The following NPLOC4 variants were observed in gnomAD, a reference collection of about 807,000 sequenced individuals.
The protein encoded by NPLOC4 is nuclear protein localization protein 4 homolog.
NPLOC4 carries 18 observed loss-of-function variants against 80.6 expected under a neutral mutation model. That is an observed-to-expected ratio of 0.22 (90% confidence interval 0.15 to 0.33). NPLOC4 has a LOEUF of 0.33. NPLOC4 is among the 10% of genes least tolerant of loss of function. The probability of loss-of-function intolerance (pLI) is 1.00; values close to 1 mark genes in which losing one functional copy is unlikely to be tolerated. For synonymous variants in NPLOC4, 313 were observed against 301.5 expected (o/e 1.04, Z -0.39); for missense variants, 540 against 786.1 (o/e 0.69, Z 3.74).
intron 3 of NPLOC4, among the ~76,000 whole-genome samples, chr17:81,617,805 C>T (rs113002720): frequency 4.6e-5 from 7 of 152,292 alleles, no homozygotes; most frequent in African/African-American, 1.4e-4. Flanking sequence ...ATTGCAGGCG[C>T]GCGCCGCCAC....
Position 81,637,038 on chromosome 17 carries a change from G to GCCGCCGCCA in NPLOC4, c.-117_-109dup. On this transcript the variant is annotated 5_prime_UTR_variant, in exon 1 of 17. Transcript: ENST00000331134. The stretch of plus-strand genomic sequence containing the variant: ...TCAGCCCCGGCCCCGGCCTCCCTAC[G>GCCGCCGCCA]CCGCCGCCACCGCCGCTCCAGCTTC... 1 of 633,144 alleles carries GCCGCCGCCA rather than the reference G, an allele frequency of 1.6e-6. No homozygotes were observed. Among genetic ancestry groups the GCCGCCGCCA allele is most frequent in the Middle Eastern group, 5.5e-4 (1 of 1,834 alleles). The allele number at this position is 633,144 out of a possible 1,614,324, so 39.2% of individuals were successfully genotyped here.
At chr17:81,635,085 T>G (rs541576649) in intron 1 of NPLOC4, among the ~76,000 whole-genome samples, 1 of 151,968 alleles carries the variant, frequency 6.6e-6, no homozygotes, top group Middle Eastern at 3.4e-3. Context: ...CTTATGCCTG[T>G]AATCCCAGCA....
chr17:81,592,848 T>C (rs111581626), intron 11 of NPLOC4, among the ~76,000 whole-genome samples: 2,002 of 152,196 alleles, frequency 0.013, 64 homozygotes, highest in African/African-American at 0.046. Flanking sequence ...GCCGGGTGTG[T>C]TGGCATGCGC....
chr17:81,568,880 A>G (rs1255430332), intron 14 of NPLOC4, 136 bp downstream of exon 14: 1 of 644,054 alleles, frequency 1.6e-6, no homozygotes, highest in Non-Finnish European at 2.7e-6. Flanking sequence ...AGTGCCCCAC[A>G]GTAGGCCCTA....
chr17:81,625,747 CAT>C (rs1364918260), intron 2 of NPLOC4, among the ~76,000 whole-genome samples: 1 of 149,778 alleles, frequency 6.7e-6, no homozygotes, highest in African/African-American at 2.5e-5. Context: ...AAAAGAAAAA[CAT>C]AAATGAATCA....
rs1052606502 is a variant in NPLOC4, at chr17:81,580,848, C to T, written c.1281+8096G>A. On this transcript the variant is annotated intron_variant, in intron 12 of 16. Transcript: ENST00000331134. The surrounding 1 kb of genome is among the most constrained non-coding windows in gnomAD (Gnocchi z 4.4). ...GCACAGTGAATCAGGTCAGTGCTACCAAGGGCTTGGCCACCCAAACACAAC... is the reference window on the plus strand; with the variant it reads ...GCACAGTGAATCAGGTCAGTGCTACTAAGGGCTTGGCCACCCAAACACAAC... Among the ~76,000 whole-genome samples, 2 of 152,180 alleles carry T rather than the reference C, an allele frequency of 1.3e-5. No individual in the cohort carries two copies. The highest frequency in any genetic ancestry group is 4.8e-5 in the African/African-American group (2 of 41,448).
chr17:81,615,282 T>C (rs992188551), intron 3 of NPLOC4, among the ~76,000 whole-genome samples: 1 of 151,936 alleles, frequency 6.6e-6, no homozygotes, highest in African/African-American at 2.4e-5. Flanking sequence ...GTATTTTTAA[T>C]AGAGACGGGG....
chr17:81,603,574 C>A (rs1298537497), intron 8 of NPLOC4, among the ~76,000 whole-genome samples: 2 of 152,040 alleles, frequency 1.3e-5, no homozygotes, highest in African/African-American at 4.8e-5. Flanking sequence ...CCAGTCTGGG[C>A]AACAGAGCAA....
intron 12 of NPLOC4, among the ~76,000 whole-genome samples, chr17:81,583,726 G>A (rs1007307238): frequency 3.9e-5 from 6 of 152,046 alleles, no homozygotes; most frequent in African/African-American, 1.2e-4. Flanking sequence ...GCTCTTCCTC[G>A]TTCTCTTACT....
At position 81,581,326 on chromosome 17, in the gene NPLOC4, GCAACACAGC is replaced by G. The variant is rs1030976375; in HGVS notation, c.1281+7609_1281+7617del. Among the ~76,000 whole-genome samples, 40 of 119,764 alleles carry G rather than the reference GCAACACAGC, an allele frequency of 3.3e-4. 2 individuals carry two copies. The highest frequency in any genetic ancestry group is 9.5e-5 in the Non-Finnish European group (6 of 62,998). 78.6% of individuals were successfully genotyped at this position (119,764 alleles called of 152,430 possible). On this transcript the variant is annotated intron_variant, in intron 12 of 16. Transcript: ENST00000331134. ...ATTGGGCCACTGCATTCCAGCCTGGGCAACACAGCCAGACTCCAACGCAAAAAAAAAAAA... is the reference window on the plus strand; with the variant it reads ...ATTGGGCCACTGCATTCCAGCCTGGGCAGACTCCAACGCAAAAAAAAAAAA...
rs1443791216 is a variant in NPLOC4 at position 81,613,510 on chromosome 17, A to G, written c.210-16T>C. On this transcript the variant is annotated splice_polypyrimidine_tract_variant and intron_variant, in intron 3 of 16. Transcript: ENST00000331134. ...ATCGCCATGCCTGTTCAAATGATAA[A>G]CAGAGGCTGATGCCTTCCCTTACCA... 2 of 1,605,436 alleles carry G rather than the reference A, an allele frequency of 1.2e-6. No individual in the cohort carries two copies. Among genetic ancestry groups the G allele is most frequent in the African/African-American group, 2.7e-5 (2 of 74,810 alleles).
In NPLOC4 at chr17:81,636,907, C is replaced by T; in HGVS notation, c.15+9G>A. The stretch of plus-strand genomic sequence containing the variant: ...GGCGTCCCCGCTCCCGCCCGGCCGC[C>T]GCACTCACGATGCTCTCGGCCATGG... On this transcript the variant is annotated intron_variant, in intron 1 of 16. Coordinates refer to ENST00000331134, the MANE Select transcript of NPLOC4 (RefSeq NM_017921.4). 7.1e-7 allele frequency: 1 copy of T among 1,409,302 alleles called. No homozygotes were observed. Among genetic ancestry groups the T allele is most frequent in the African/African-American group, 1.5e-5 (1 of 68,066 alleles). 87.3% of individuals were successfully genotyped at this position (1,409,302 alleles called of 1,614,324 possible).
At chr17:81,585,336 A>G (rs2034549121) in intron 12 of NPLOC4, among the ~76,000 whole-genome samples, 1 of 152,056 alleles carries the variant, frequency 6.6e-6, no homozygotes, top group African/African-American at 2.4e-5. Context: ...TTTTATTCCC[A>G]AAACTGTGCT....
chr17:81,595,911 T>C lies in NPLOC4; in HGVS notation c.1120+205A>G, dbSNP rs552212742. Reference sequence around the variant, plus strand: ...CTCTGTGGAGGTCCTGATTCTGTTATGAGTTTTGGGGTTTGTGTTTATATA... The same window carrying C: ...CTCTGTGGAGGTCCTGATTCTGTTACGAGTTTTGGGGTTTGTGTTTATATA... On this transcript the variant is annotated intron_variant, in intron 11 of 16. Coordinates refer to ENST00000331134, the MANE Select transcript of NPLOC4 (RefSeq NM_017921.4). Among the ~76,000 whole-genome samples the C allele has an allele frequency of 3.3e-5, 5 of 151,680 alleles. No individual in the cohort carries two copies. The South Asian group carries it at 6.2e-4, about 19-fold the overall frequency.
chr17:81,602,768 G>A (rs1288507535), intron 8 of NPLOC4, among the ~76,000 whole-genome samples: 2 of 151,412 alleles, frequency 1.3e-5, no homozygotes, highest in Non-Finnish European at 2.9e-5. Flanking sequence ...GGCTGAGCAT[G>A]GTGGCTTATG....
chr17:81,632,436 C>T (rs1357224889), intron 1 of NPLOC4, among the ~76,000 whole-genome samples: 2 of 151,936 alleles, frequency 1.3e-5, no homozygotes, highest in Non-Finnish European at 2.9e-5. Flanking sequence ...TCTCAGCCTC[C>T]TGAGTATCTG....
intron 2 of NPLOC4, among the ~76,000 whole-genome samples, chr17:81,622,862 T>C (rs534744801): frequency 5.9e-5 from 9 of 152,220 alleles, no homozygotes; most frequent in African/African-American, 1.7e-4. Context: ...ATGGCTATGT[T>C]TGAAAAGTTC....
At position 81,589,123 on chromosome 17, in the gene NPLOC4, T is replaced by G. The variant is rs763642741; in HGVS notation, c.1121-19A>C. 1.1e-5 allele frequency: 18 copies of G among 1,605,216 alleles called. No individual in the cohort carries two copies. Among genetic ancestry groups the G allele is most frequent in the Non-Finnish European group, 1.5e-5 (18 of 1,174,874 alleles). ...GGACCACCTGCAAGAGAGAGACCTTTAAAAAGAGTCTACCAAACGGCATTC... is the reference window on the plus strand; with the variant it reads ...GGACCACCTGCAAGAGAGAGACCTTGAAAAAGAGTCTACCAAACGGCATTC... On this transcript the variant is annotated intron_variant, in intron 11 of 16. Coordinates refer to ENST00000331134, the MANE Select transcript of NPLOC4 (RefSeq NM_017921.4).
chr17:81,608,078 G>T (rs1037396561), intron 6 of NPLOC4, among the ~76,000 whole-genome samples: 3 of 152,166 alleles, frequency 2.0e-5, no homozygotes, highest in Non-Finnish European at 2.9e-5. Context: ...TCTGGCCACT[G>T]TTACCACCTC....
Sources: allele counts gnomAD v4.1 joint callset (sites outside exome capture counted in the v4.1 genomes callset), GRCh38; gene constraint gnomAD v4.1.1; non-coding constraint Gnocchi (gnomAD v3.1); transcripts MANE v1.5; gene names NCBI Gene and HGNC (gene_info 2026-07-23, HGNC 2026-07-21).